UTY: variants seen among roughly 807,000 people sequenced by gnomAD.
The protein encoded by UTY is histone demethylase UTY.
A neutral mutation model predicts 32.5 loss-of-function variants in UTY; 12 were observed. That is an observed-to-expected ratio of 0.37 (90% CI 0.24 to 0.60). The LOEUF is 0.60. Ranked by LOEUF, UTY falls within the 20% of genes least tolerant of loss-of-function variation. The pLI is 0.69. For synonymous variants in UTY, 131 were observed against 103.4 expected, an observed-to-expected ratio of 1.27 and a Z score of -1.62; for missense variants, 303 against 299.2, an observed-to-expected ratio of 1.01 and a Z score of -0.09.
At chrY:13,413,351 C>A in intron 5 of UTY, among the ~76,000 whole-genome samples, 1 of 33,959 alleles carries the variant, frequency 2.9e-5, no homozygotes, top group East Asian at 7.8e-4. Context: ...CTATCCACAC[C>A]GGGTGGCTGC....
At chrY:13,354,907 C>A in intron 17 of UTY, 96 bp downstream of exon 17, 1 of 363,144 alleles carries the variant, frequency 2.8e-6, no homozygotes, top group Non-Finnish European at 3.8e-6. Flanking sequence ...AAAGACAAAG[C>A]CATTCTTTAA....
chrY:13,263,429 G>A (rs902377681), intron 27 of UTY, among the ~76,000 whole-genome samples: 4 of 33,640 alleles, frequency 1.2e-4, no homozygotes, highest in Non-Finnish European at 2.2e-4. Flanking sequence ...AAAGGGCATG[G>A]AAGAATACAT....
intron 21 of UTY, among the ~76,000 whole-genome samples, chrY:13,306,762 G>A (rs1036861051): frequency 3.1e-5 from 1 of 32,542 alleles, no homozygotes; most frequent in Admixed American, 2.8e-4. Flanking sequence ...GTGCAGTGGC[G>A]TAATCTCAGC....
At chrY:13,461,529 T>C (rs2077361141) in intron 3 of UTY, among the ~76,000 whole-genome samples, 1 of 33,515 alleles carries the variant, frequency 3.0e-5, no homozygotes, top group African/African-American at 1.2e-4. Context: ...ACAGCAATTA[T>C]TGGCACATAA....
chrY:13,418,808 T>A, intron 4 of UTY, among the ~76,000 whole-genome samples: 1 of 34,122 alleles, frequency 2.9e-5, no homozygotes, highest in Admixed American at 2.6e-4. Context: ...AACAGGGAGA[T>A]GGATTCCTGC....
intron 18 of UTY, among the ~76,000 whole-genome samples, chrY:13,332,534 T>TA (rs2060761152): frequency 3.0e-5 from 1 of 33,775 alleles, no homozygotes; most frequent in Non-Finnish European, 7.4e-5. Flanking sequence ...AAGGCTTTAA[T>TA]AAAATTCAAC....
At chrY:13,419,032 C>A in intron 4 of UTY, among the ~76,000 whole-genome samples, 1 of 33,078 alleles carries the variant, frequency 3.0e-5, no homozygotes, top group African/African-American at 1.2e-4. Flanking sequence ...CTTGATTTAC[C>A]GCACTAACCC....
chrY:13,478,858 T>A (rs1603484809), intron 2 of UTY, among the ~76,000 whole-genome samples: 1 of 33,308 alleles, frequency 3.0e-5, no homozygotes, highest in Admixed American at 2.7e-4. Flanking sequence ...ATATTTTTTT[T>A]AAAAAGGCAA....
At chrY:13,254,618 T>C in intron 28 of UTY, among the ~76,000 whole-genome samples, 1 of 32,909 alleles carries the variant, frequency 3.0e-5, no homozygotes, top group Non-Finnish European at 7.5e-5. Flanking sequence ...ACAAAAGCTG[T>C]GAGCTTTCTG....
chrY:13,370,330 GCTA>G (rs2064767817), intron 8 of UTY, among the ~76,000 whole-genome samples: 1 of 34,411 alleles, frequency 2.9e-5, no homozygotes, highest in South Asian at 6.3e-4. Context: ...CACTTCAAGA[GCTA>G]CTAATGATTG....
At chrY:13,235,175 C>T in intron 28 of UTY, among the ~76,000 whole-genome samples, 1 of 33,992 alleles carries the variant, frequency 2.9e-5, no homozygotes, top group Non-Finnish European at 7.4e-5. Context: ...TGGCCCCAAC[C>T]TTGCTCTGAG....
intron 17 of UTY, among the ~76,000 whole-genome samples, chrY:13,345,079 TGG>T (rs2061792531): frequency 3.0e-5 from 1 of 33,549 alleles, no homozygotes; most frequent in Non-Finnish European, 7.4e-5. Context: ...AAACTCTGTC[TGG>T]GTCAAACAAT....
chrY:13,391,988 C>T (rs2067607854), intron 8 of UTY, among the ~76,000 whole-genome samples: 1 of 32,497 alleles, frequency 3.1e-5, no homozygotes, highest in African/African-American at 1.2e-4. Flanking sequence ...GCTTTAAAAA[C>T]ACAGCAAGAC....
chrY:13,428,487 A>G (rs2073623895), intron 4 of UTY, among the ~76,000 whole-genome samples: 1 of 33,414 alleles, frequency 3.0e-5, no homozygotes. Flanking sequence ...GTCTAATAAC[A>G]GCTGGTTTGT....
intron 28 of UTY, among the ~76,000 whole-genome samples, chrY:13,238,362 A>G: frequency 3.0e-5 from 1 of 33,253 alleles, no homozygotes. Flanking sequence ...GACTGGCCTC[A>G]TGAGCTCACT....
intron 8 of UTY, among the ~76,000 whole-genome samples, chrY:13,391,551 T>G: frequency 9.2e-5 from 3 of 32,646 alleles, no homozygotes; most frequent in African/African-American, 3.6e-4. Context: ...TACTGAGTTC[T>G]CACAAGATCT....
intron 10 of UTY, among the ~76,000 whole-genome samples, chrY:13,365,923 G>C: frequency 3.0e-5 from 1 of 33,239 alleles, no homozygotes; most frequent in East Asian, 7.7e-4. Flanking sequence ...GAGTGCAAGG[G>C]TGTGATCTCA....
intron 16 of UTY, 170 bp from the exon 17 acceptor site, chrY:13,355,568 C>A (rs762420704): frequency 3.2e-6 from 1 of 313,182 alleles, no homozygotes; most frequent in Admixed American, 1.1e-4. Context: ...GTAAAGAAAT[C>A]GGCCTTTATT....
chrY:13,337,858 G>A, intron 17 of UTY, among the ~76,000 whole-genome samples: 1 of 32,095 alleles, frequency 3.1e-5, no homozygotes, highest in East Asian at 8.0e-4. Flanking sequence ...ATATCCTTAC[G>A]CAAAATGGAT....
Sources: allele counts gnomAD v4.1 joint callset (sites outside exome capture counted in the v4.1 genomes callset), GRCh38; gene constraint gnomAD v4.1.1; transcripts MANE v1.5; gene names NCBI Gene and HGNC (gene_info 2026-07-23, HGNC 2026-07-21).